ZZZ3: variants seen among roughly 807,000 people sequenced by gnomAD.
ZZZ3 encodes ZZ-type zinc finger-containing protein 3.
ZZZ3 carries 22 observed loss-of-function variants against 95.2 expected under a neutral mutation model. The ratio of observed to expected loss-of-function variants is 0.23; its 90% confidence interval spans 0.17 to 0.33. ZZZ3 has a LOEUF of 0.33. Ranked by LOEUF, ZZZ3 falls within the 10% of genes least tolerant of loss-of-function variation. The pLI, the probability that ZZZ3 is intolerant of heterozygous loss-of-function variation, is 1.00. For synonymous variants in ZZZ3, 335 were observed against 358.9 expected, an observed-to-expected ratio of 0.93 and a Z score of 0.75; for missense variants, 885 against 1,066.5, an observed-to-expected ratio of 0.83 and a Z score of 2.37.
intron 13 of ZZZ3, 112 bp from the exon 14 acceptor site, chr1:77,566,293 T>C (rs968462078): frequency 1.4e-6 from 1 of 694,450 alleles, no homozygotes; most frequent in Non-Finnish European, 2.4e-6. Flanking sequence ...TCTCTCTCCA[T>C]GCACAGGACA....
At chr1:77,582,966 G>A (rs1442291557) in intron 6 of ZZZ3, among the ~76,000 whole-genome samples, 1 of 152,028 alleles carries the variant, frequency 6.6e-6, no homozygotes, top group Non-Finnish European at 1.5e-5. Flanking sequence ...TTAGCCAGGT[G>A]TAGTACAGTG....
rs538479801 is a variant in ZZZ3, at chr1:77,630,507, C to A, written c.1505+1343G>T. Among the ~76,000 whole-genome samples, 516 of 151,882 alleles carry A rather than the reference C, an allele frequency of 3.4e-3. 2 individuals carry two copies. The highest frequency in any genetic ancestry group is 0.016 in the South Asian group (79 of 4,806). The stretch of plus-strand genomic sequence containing the variant: ...CGAAAAACAAAAACAAACAAACAAA[C>A]AAAAAAACTGACAGTATATATGAAC... On this transcript the variant is annotated intron_variant, in intron 5 of 14. Transcript: ENST00000370801.
At chr1:77,599,381 T>A (rs1413750768) in intron 5 of ZZZ3, among the ~76,000 whole-genome samples, 1 of 152,078 alleles carries the variant, frequency 6.6e-6, no homozygotes, top group Non-Finnish European at 1.5e-5. Context: ...ATTACATATG[T>A]AATCATACTT....
intron 1 of ZZZ3, among the ~76,000 whole-genome samples, chr1:77,667,230 G>A (rs573627079): frequency 6.6e-6 from 1 of 152,166 alleles, no homozygotes; most frequent in East Asian, 1.9e-4. Context: ...ACAACCAAAA[G>A]CAGCCACTGA....
chr1:77,610,053 AATG>A (rs935368328), intron 5 of ZZZ3, among the ~76,000 whole-genome samples: 3 of 151,888 alleles, frequency 2.0e-5, no homozygotes, highest in Non-Finnish European at 4.4e-5. Flanking sequence ...AAATAATACA[AATG>A]ATCAATTTGA....
Position 77,632,828 on chromosome 1 carries a change from T to C in ZZZ3, c.527A>G (p.Glu176Gly). The change falls in exon 5 of 15, where the codon GAA becomes GGA. Residue 176 changes from glutamate (E) to glycine (G), a missense_variant. Physicochemically the swap from Glu to Gly is moderately conservative, Grantham distance 98. This residue lies in a region of ZZZ3 where 556 missense variants were observed against 652.9 expected (regional missense o/e 0.85). Transcript: ENST00000370801. ...CTCACTGACATTCACCTTTTTAATT[T>C]CCCTTTTCTCACAATCATCCAGTAT... ...CLILDDCEKR[E>G]IKKVNVSEEG... The C allele has an allele frequency of 6.2e-7, 1 of 1,614,166 alleles. No homozygotes were observed.
At chr1:77,641,219 A>G (rs181367104) in intron 3 of ZZZ3, 165 bp downstream of exon 3, 333 of 217,240 alleles carry the variant, frequency 1.5e-3, no homozygotes, top group Admixed American at 2.6e-3. Flanking sequence ...AACTTAAAGT[A>G]TATCTCTGAG....
chr1:77,591,934 G>A (rs1273770691), intron 5 of ZZZ3, among the ~76,000 whole-genome samples: 2 of 152,080 alleles, frequency 1.3e-5, no homozygotes, highest in Non-Finnish European at 2.9e-5. Context: ...TTGAGGACAG[G>A]TACTGAACCA....
chr1:77,592,433 C>G (rs1318768149), intron 5 of ZZZ3, among the ~76,000 whole-genome samples: 1 of 152,146 alleles, frequency 6.6e-6, no homozygotes, highest in Non-Finnish European at 1.5e-5. Flanking sequence ...CTCTGAGTAG[C>G]TGGGATTACA....
chr1:77,608,914 T>C (rs1220738275), intron 5 of ZZZ3, among the ~76,000 whole-genome samples: 1 of 151,860 alleles, frequency 6.6e-6, no homozygotes, highest in Non-Finnish European at 1.5e-5. Context: ...AAAAATAAAA[T>C]GGTAGAAATT....
At chr1:77,602,247 G>A (rs1351797806) in intron 5 of ZZZ3, among the ~76,000 whole-genome samples, 1 of 152,144 alleles carries the variant, frequency 6.6e-6, no homozygotes, top group Non-Finnish European at 1.5e-5. Context: ...GGCCATCTAA[G>A]CCACATAAGT....
chr1:77,662,162 C>T (rs1445543956), intron 1 of ZZZ3, among the ~76,000 whole-genome samples: 14 of 152,046 alleles, frequency 9.2e-5, no homozygotes, highest in African/African-American at 2.9e-4. Context: ...TACAGGCACA[C>T]ACCACCACAC....
At chr1:77,675,047 A>G (rs1211620840) in intron 1 of ZZZ3, among the ~76,000 whole-genome samples, 3 of 152,070 alleles carry the variant, frequency 2.0e-5, no homozygotes, top group Admixed American at 6.6e-5. Flanking sequence ...TTTGGGGTGG[A>G]GAGTGGAGAG....
At chr1:77,679,537 C>T (rs141120162) in intron 1 of ZZZ3, among the ~76,000 whole-genome samples, 4 of 152,082 alleles carry the variant, frequency 2.6e-5, no homozygotes, top group Non-Finnish European at 4.4e-5. Flanking sequence ...CCTCCCACCT[C>T]GGCCTCCCAA....
At chr1:77,657,825 T>C (rs1237025135) in intron 1 of ZZZ3, among the ~76,000 whole-genome samples, 1 of 152,192 alleles carries the variant, frequency 6.6e-6, no homozygotes, top group African/African-American at 2.4e-5. Context: ...TACAATAATT[T>C]AGACACATCC....
chr1:77,593,413 A>T (rs1663911060), intron 5 of ZZZ3, among the ~76,000 whole-genome samples: 1 of 152,238 alleles, frequency 6.6e-6, no homozygotes, highest in South Asian at 2.1e-4. Context: ...AAATATCACA[A>T]ACATAATGTA....
intron 4 of ZZZ3, among the ~76,000 whole-genome samples, chr1:77,636,880 C>T (rs1340031274): frequency 6.6e-6 from 1 of 151,988 alleles, no homozygotes; most frequent in Non-Finnish European, 1.5e-5. Flanking sequence ...CCTAAAAATG[C>T]TTTTATTTCA....
chr1:77,632,287 A>G lies in ZZZ3; in HGVS notation c.1068T>C (p.Pro356=), dbSNP rs977980075. ...TTTGAGCTGAAACACAGTCTAGAAC[A>G]GGAGATGGTTCAGGTTCTCCGGAGG... ...MPASGEPEPS[P]VLDCVSAQMM... The change falls in exon 5 of 15, where the codon CCT becomes CCC. Residue 356 remains proline, a synonymous_variant. Transcript: ENST00000370801. 1 of 1,614,172 alleles carries G rather than the reference A, an allele frequency of 6.2e-7. No individual in the cohort carries two copies. Among genetic ancestry groups the G allele is most frequent in the Non-Finnish European group, 8.5e-7 (1 of 1,180,018 alleles).
At chr1:77,675,929 T>C (rs1672225146) in intron 1 of ZZZ3, among the ~76,000 whole-genome samples, 1 of 152,210 alleles carries the variant, frequency 6.6e-6, no homozygotes, top group Non-Finnish European at 1.5e-5. Context: ...TTTCAGTAAA[T>C]GTATCATATT....
Sources: gnomAD v4.1 joint callset for allele counts (sites outside exome capture counted in the v4.1 genomes callset) on GRCh38, gnomAD v4.1.1 for gene constraint, gnomAD v4.1.1 regional missense constraint, MANE v1.5 for transcripts, NCBI Gene and HGNC (gene_info 2026-07-23, HGNC 2026-07-21) for gene names.